ATP8B1: variants seen among roughly 807,000 people sequenced by gnomAD.
ATP8B1 encodes phospholipid-transporting ATPase IC.
ATP8B1 carries 80 observed loss-of-function variants against 149.9 expected under a neutral mutation model. That is an observed-to-expected ratio of 0.53 (90% confidence interval 0.45 to 0.64). ATP8B1 has a LOEUF of 0.64. ATP8B1 is among the 30% of genes least tolerant of loss of function. The probability of loss-of-function intolerance (pLI) is 0.00; values close to 1 mark genes in which losing one functional copy is unlikely to be tolerated. For missense variants in ATP8B1, 1,247 were observed against 1,552.6 expected, an observed-to-expected ratio of 0.80 and a Z score of 3.31; for synonymous variants, 536 against 562.8, an observed-to-expected ratio of 0.95 and a Z score of 0.67.
At chr18:57,680,619 A>AC (rs1555691204) in intron 15 of ATP8B1, among the ~76,000 whole-genome samples, 2,856 of 149,312 alleles carry the variant, frequency 0.019, 106 homozygotes, top group African/African-American at 0.058. Context: ...ACAAAACAAA[A>AC]AAAAAACCAC....
At chr18:57,702,014 T>G (rs1333843520) in intron 4 of ATP8B1, among the ~76,000 whole-genome samples, 1 of 152,100 alleles carries the variant, frequency 6.6e-6, no homozygotes, top group Non-Finnish European at 1.5e-5. Flanking sequence ...ATCTTAACTT[T>G]TAAGGAATGC....
At chr18:57,672,995 G>GTATATATATAAATATATAAATATATGTA (rs57894241) in intron 16 of ATP8B1, among the ~76,000 whole-genome samples, 8 of 98,460 alleles carry the variant, frequency 8.1e-5, no homozygotes, top group Non-Finnish European at 1.2e-4. Context: ...ATAAATACAT[G>GTATATATATAAATATATAAATATATGTA]TATATATAAA....
At chr18:57,797,842 G>A (rs1272836421) in intron 1 of ATP8B1, among the ~76,000 whole-genome samples, 1 of 151,598 alleles carries the variant, frequency 6.6e-6, no homozygotes, top group Non-Finnish European at 1.5e-5. Context: ...GAGTAGCTGG[G>A]ACTACGGGCG....
At chr18:57,798,947 T>C (rs1033563886) in intron 1 of ATP8B1, among the ~76,000 whole-genome samples, 2 of 152,248 alleles carry the variant, frequency 1.3e-5, no homozygotes, top group Non-Finnish European at 2.9e-5. Flanking sequence ...GAATGATTCC[T>C]GTTTCCTACA....
At chr18:57,758,971 C>T (rs2080115628) in intron 1 of ATP8B1, among the ~76,000 whole-genome samples, 1 of 151,780 alleles carries the variant, frequency 6.6e-6, no homozygotes, top group Non-Finnish European at 1.5e-5. Context: ...TCCTGGCCAA[C>T]ATGGTGAAAC....
At position 57,648,469 on chromosome 18, in the gene ATP8B1, C is replaced by G. The variant is rs368154561; in HGVS notation, c.*19G>C. 6.2e-7 allele frequency: 1 copy of G among 1,610,720 alleles called. No homozygotes were observed. The highest frequency in any genetic ancestry group is 1.3e-5 in the African/African-American group (1 of 74,868). On this transcript the variant is annotated 3_prime_UTR_variant, in exon 28 of 28. Transcript: ENST00000648908. ...AATAGACGTGCTTTGTGGCCGCATC[C>G]CAGCCTGGGGGTAAGGGATCAGCTG...
intron 1 of ATP8B1, among the ~76,000 whole-genome samples, chr18:57,793,295 A>G (rs2080480965): frequency 6.6e-6 from 1 of 152,008 alleles, no homozygotes; most frequent in South Asian, 2.1e-4. Context: ...GTCCGATCCC[A>G]TTCTCTCTGT....
intron 1 of ATP8B1, among the ~76,000 whole-genome samples, chr18:57,756,593 C>T (rs996391901): frequency 4.6e-5 from 7 of 151,944 alleles, no homozygotes; most frequent in Admixed American, 1.3e-4. Context: ...CCACTGTGCC[C>T]GGCCTCCACA....
At chr18:57,671,445 G>A (rs1408983577) in intron 17 of ATP8B1, 23 bp downstream of exon 17, 2 of 1,562,678 alleles carry the variant, frequency 1.3e-6, no homozygotes, top group African/African-American at 2.7e-5. Context: ...ATCCCTTGCA[G>A]AAAGAATAAA....
intron 2 of ATP8B1, among the ~76,000 whole-genome samples, chr18:57,716,594 T>C (rs1018640538): frequency 6.6e-6 from 1 of 152,192 alleles, no homozygotes; most frequent in Non-Finnish European, 1.5e-5. Context: ...ACAAAGTCAC[T>C]ATATAATGAT....
intron 8 of ATP8B1, among the ~76,000 whole-genome samples, chr18:57,696,809 G>A (rs957268493): frequency 9.9e-5 from 15 of 152,172 alleles, no homozygotes; most frequent in African/African-American, 3.4e-4. Context: ...TCACATGGTC[G>A]TTTAGAGGAT....
At chr18:57,782,555 C>A (rs145248033) in intron 1 of ATP8B1, among the ~76,000 whole-genome samples, 1 of 152,284 alleles carries the variant, frequency 6.6e-6, no homozygotes, top group East Asian at 1.9e-4. Context: ...GCAAGGAGAA[C>A]TCAGGCATCA....
intron 2 of ATP8B1, among the ~76,000 whole-genome samples, chr18:57,713,064 AT>A (rs1913760793): frequency 6.6e-6 from 1 of 152,028 alleles, no homozygotes; most frequent in Non-Finnish European, 1.5e-5. Context: ...GACCCAGCAC[AT>A]TCCCAGCTGT....
intron 1 of ATP8B1, among the ~76,000 whole-genome samples, chr18:57,732,179 G>GTGTA (rs2079780034): frequency 2.2e-5 from 1 of 44,838 alleles, no homozygotes; most frequent in Non-Finnish European, 4.7e-5. Context: ...ATGTATATAT[G>GTGTA]TGTATATATG....
chr18:57,756,315 A>ATATATG (rs2080083333), intron 1 of ATP8B1, among the ~76,000 whole-genome samples: 1 of 132,738 alleles, frequency 7.5e-6, no homozygotes, highest in African/African-American at 3.0e-5. Context: ...ATATATATAT[A>ATATATG]TTTGAGACTG....
chr18:57,771,296 C>T (rs919055344), intron 1 of ATP8B1, among the ~76,000 whole-genome samples: 2 of 152,226 alleles, frequency 1.3e-5, no homozygotes, highest in African/African-American at 4.8e-5. Flanking sequence ...AGTCAGACTA[C>T]CTCCTTTAGA....
intron 18 of ATP8B1, 47 bp downstream of exon 18, chr18:57,669,271 A>C: frequency 6.5e-7 from 1 of 1,535,608 alleles, no homozygotes; most frequent in Non-Finnish European, 8.8e-7. Context: ...AAAAATTTCA[A>C]TTCTGCTTAG....
chr18:57,732,215 G>GTATATA (rs2079783095), intron 1 of ATP8B1, among the ~76,000 whole-genome samples: 1 of 40,654 alleles, frequency 2.5e-5, no homozygotes, highest in African/African-American at 7.6e-5. Flanking sequence ...ATGTATATAT[G>GTATATA]TGTATATATG....
At chr18:57,693,176 A>C (rs575514210) in intron 11 of ATP8B1, among the ~76,000 whole-genome samples, 30 of 152,356 alleles carry the variant, frequency 2.0e-4, no homozygotes, top group Non-Finnish European at 4.1e-4. Flanking sequence ...TGTATATGCA[A>C]TCAAAGAATA....
Sources: gnomAD v4.1 joint callset for allele counts (sites outside exome capture counted in the v4.1 genomes callset) on GRCh38, gnomAD v4.1.1 for gene constraint, MANE v1.5 for transcripts, NCBI Gene and HGNC (gene_info 2026-07-23, HGNC 2026-07-21) for gene names.